Variants in GTF3C4 observed in about 807,000 individuals in gnomAD.
The protein encoded by GTF3C4 is general transcription factor IIIC subunit 4.
Under a neutral mutation model 67.5 loss-of-function variants are expected in GTF3C4, and 28 were observed. The ratio of observed to expected loss-of-function variants is 0.41; its 90% CI spans 0.31 to 0.57. GTF3C4 has a LOEUF of 0.57. Ranked by LOEUF, GTF3C4 falls within the 20% of genes least tolerant of loss-of-function variation. The pLI is 0.21. For synonymous variants in GTF3C4, 409 were observed against 393.0 expected, an observed-to-expected ratio of 1.04 and a Z score of -0.48; for missense variants, 831 against 1,033.2, an observed-to-expected ratio of 0.80 and a Z score of 2.68.
At chr9:132,676,039 C>T (rs1198313377) in intron 1 of GTF3C4, among the ~76,000 whole-genome samples, 1 of 151,434 alleles carries the variant, frequency 6.6e-6, no homozygotes, top group Admixed American at 6.6e-5. Flanking sequence ...GCTGGGACTA[C>T]AGGCACCCAC....
At chr9:132,677,854 A>G (rs1835884187) in intron 1 of GTF3C4, 123 bp from the exon 2 acceptor site, 1 of 774,316 alleles carries the variant, frequency 1.3e-6, no homozygotes, top group African/African-American at 1.7e-5. Flanking sequence ...TCTCTTGCAT[A>G]TATTAATTCT....
chr9:132,677,973 T>C lies in GTF3C4; in HGVS notation c.358-4T>C, dbSNP rs1389706892. 1 of 1,583,304 alleles carries C rather than the reference T, an allele frequency of 6.3e-7. No individual in the cohort carries two copies. Among genetic ancestry groups the C allele is most frequent in the African/African-American group, 1.4e-5 (1 of 73,440 alleles). Reference sequence around the variant, plus strand: ...CTGATAGTTTTTATATCTCTTATTTTCAGGTTGGCTCAAAAACAGAAGTTG... The same window carrying C: ...CTGATAGTTTTTATATCTCTTATTTCCAGGTTGGCTCAAAAACAGAAGTTG... On this transcript the variant is annotated splice_region_variant and splice_polypyrimidine_tract_variant and intron_variant, in intron 1 of 4. Transcript: ENST00000372146.
chr9:132,682,910 G>A (rs973140341), intron 2 of GTF3C4, among the ~76,000 whole-genome samples: 6 of 152,126 alleles, frequency 3.9e-5, no homozygotes, highest in Non-Finnish European at 7.4e-5. Context: ...AGCCAAGAGT[G>A]TAATCTTAAA....
chr9:132,686,557 T>C (rs3780813), intron 3 of GTF3C4, among the ~76,000 whole-genome samples: 19,936 of 152,150 alleles, frequency 0.13, 1,538 homozygotes, highest in East Asian at 0.31. Flanking sequence ...TCCCATCTCA[T>C]TGCATCCCAC....
At position 132,678,653 on chromosome 9, in the gene GTF3C4, T is replaced by C; in HGVS notation, c.1034T>C (p.Val345Ala). The C allele has an allele frequency of 1.2e-6, 2 of 1,614,088 alleles. No individual in the cohort carries two copies. Among genetic ancestry groups the C allele is most frequent in the Non-Finnish European group, 1.7e-6 (2 of 1,179,980 alleles). Residue 345 changes from valine (V) to alanine (A), a missense_variant, in exon 2 of 5, where the codon GTC becomes GCC. Physicochemically the swap from Val to Ala is moderately conservative, Grantham distance 64. Transcript: ENST00000372146. The surrounding 1 kb of genome is among the most constrained non-coding windows in gnomAD (Gnocchi z 6.5). ...TTTGGACCCATAAAAATTCTTCCTG[T>C]CAATCTCAAAGCAGTCAAAGGCTAT... ...SAFGPIKILPVNLKAVKGYFT... is the reference protein window; with the variant it reads ...SAFGPIKILPANLKAVKGYFT...
chr9:132,674,480 C>T (rs1240874004), intron 1 of GTF3C4, among the ~76,000 whole-genome samples: 1 of 152,192 alleles, frequency 6.6e-6, no homozygotes, highest in African/African-American at 2.4e-5. Context: ...GAATTCTTCC[C>T]ACAATGAGTA....
In GTF3C4 at chr9:132,679,917, A is replaced by T. The variant is rs547258880; in HGVS notation, c.2184+114A>T. On this transcript the variant is annotated intron_variant, in intron 2 of 4. Coordinates refer to ENST00000372146, the MANE Select transcript of GTF3C4 (RefSeq NM_012204.4). This position sits in a 1 kb window ranked among gnomAD's most constrained non-coding sequence, Gnocchi z 5.9. ...ACTTTTGCTTTGACATTTTTTAGGT[A>T]ATTTATTTGCTTGAGGTGCAGGGTA... The T allele has an allele frequency of 1.4e-5, 13 of 959,576 alleles. No homozygotes were observed. In the South Asian group the frequency reaches 2.3e-4, roughly 17 times the overall value. 59.4% of individuals were successfully genotyped at this position (959,576 alleles called of 1,614,324 possible).
intron 3 of GTF3C4, 61 bp downstream of exon 3, chr9:132,683,754 C>G: frequency 6.8e-7 from 1 of 1,465,510 alleles, no homozygotes; most frequent in South Asian, 1.3e-5. Context: ...GCACAAACTA[C>G]TGTATGTGAC....
chr9:132,687,775 A>T (rs556444075), intron 4 of GTF3C4, among the ~76,000 whole-genome samples: 2 of 152,178 alleles, frequency 1.3e-5, no homozygotes, highest in African/African-American at 4.8e-5. Flanking sequence ...TGGTTGGTCT[A>T]TGTGCTCTTT....
At position 132,679,056 on chromosome 9, in the gene GTF3C4, G is replaced by T. The variant is rs1318057649; in HGVS notation, c.1437G>T (p.Gly479=). The T allele has an allele frequency of 6.2e-7, 1 of 1,614,160 alleles. No individual in the cohort carries two copies. The part of the protein sequence containing the change: ...SDVFGSVRTH[G]IAVSPCGAYL... ...TGTTTGGCTCAGTGAGGACTCACGG[G>T]ATAGCAGTGAGCCCCTGCGGTGCAT... is the stretch of plus-strand genomic sequence containing the variant. The change falls in exon 2 of 5, where the codon GGG becomes GGT. Residue 479 remains glycine, a synonymous_variant. Coordinates refer to ENST00000372146, the MANE Select transcript of GTF3C4 (RefSeq NM_012204.4). This position sits in a 1 kb window ranked among gnomAD's most constrained non-coding sequence, Gnocchi z 5.9.
At chr9:132,681,601 C>G (rs750639267) in intron 2 of GTF3C4, among the ~76,000 whole-genome samples, 1 of 152,110 alleles carries the variant, frequency 6.6e-6, no homozygotes, top group Non-Finnish European at 1.5e-5. Flanking sequence ...TGAATTGCCC[C>G]TGCCCATGAA....
At chr9:132,670,226 C>CT, upstream of GTF3C4, 1 of 1,538,546 alleles carries the variant, frequency 6.5e-7, no homozygotes, top group Non-Finnish European at 8.8e-7. Context: ...CTGAATGCCT[C>CT]TGAGAAGCGA....
In GTF3C4 at chr9:132,690,541, G is replaced by A. The variant is rs2130904759; in HGVS notation, c.*1596G>A. 6.7e-6 allele frequency: 1 copy of A among 149,190 alleles called. No individual in the cohort carries two copies. Among genetic ancestry groups the A allele is most frequent in the African/African-American group, 2.5e-5 (1 of 40,390 alleles). 9.2% of individuals were successfully genotyped at this position (149,190 alleles called of 1,614,324 possible). A position where few individuals can be genotyped will look rare whatever the true frequency, so the allele number is the denominator to read the frequency against. ...TAGGTAGTGCAGACCAGCCCTTGGA[G>A]GCACTTCTAAACAGTCTGCTCAGAA... On this transcript the variant is annotated 3_prime_UTR_variant, in exon 5 of 5. Coordinates refer to ENST00000372146, the MANE Select transcript of GTF3C4 (RefSeq NM_012204.4).
At chr9:132,682,013 GC>G (rs1027694417) in intron 2 of GTF3C4, among the ~76,000 whole-genome samples, 4 of 151,444 alleles carry the variant, frequency 2.6e-5, no homozygotes, top group South Asian at 2.1e-4. Context: ...GGTGGCACAG[GC>G]CTGTAGTCCT....
chr9:132,671,023 A>T (rs1835730372), intron 1 of GTF3C4, 68 bp downstream of exon 1: 1 of 1,084,898 alleles, frequency 9.2e-7, no homozygotes, highest in South Asian at 1.3e-5. Flanking sequence ...CATCCGTCCC[A>T]GGGGAATCCG....
rs368261627 is a variant in GTF3C4, at chr9:132,683,513, A to G, written c.2185-50A>G. Reference sequence around the variant, plus strand: ...CTTTGTGTTTGTAGGCTTTTTCTTCAGGAAATCCTGCACTTACACTAAACT... The same window carrying G: ...CTTTGTGTTTGTAGGCTTTTTCTTCGGGAAATCCTGCACTTACACTAAACT... On this transcript the variant is annotated intron_variant, in intron 2 of 4. Coordinates refer to ENST00000372146, the MANE Select transcript of GTF3C4 (RefSeq NM_012204.4). 6 of 1,520,984 alleles carry G rather than the reference A, an allele frequency of 3.9e-6. No homozygotes were observed. The African/African-American group carries it at 4.2e-5, about 11-fold the overall frequency. The allele number at this position is 1,520,984 out of a possible 1,614,324, so 94.2% of individuals were successfully genotyped here.
In GTF3C4 at chr9:132,694,522, G is replaced by A. The variant is rs890070151; in HGVS notation, c.*5577G>A. On this transcript the variant is annotated 3_prime_UTR_variant, in exon 5 of 5. Transcript: ENST00000372146. ...TGAAGATTACATATCAGTGTCCTGC[G>A]TTTTTATCTAATATTAGAGCTGAGG... 2.4e-4 allele frequency: 36 copies of A among 152,276 alleles called. No homozygotes were observed. Among genetic ancestry groups the A allele is most frequent in the African/African-American group, 8.7e-4 (36 of 41,548 alleles). 9.4% of individuals were successfully genotyped at this position (152,276 alleles called of 1,614,324 possible).
rs1836045636 is a variant in GTF3C4, at chr9:132,687,274, T to G, written c.2351T>G (p.Ile784Arg). Reference sequence around the variant, plus strand: ...ACCTACCAGTCCTGCCAGAGTTTGATATATAGAAGGTGTTTGCTCCATGAC... The same window carrying G: ...ACCTACCAGTCCTGCCAGAGTTTGAGATATAGAAGGTGTTTGCTCCATGAC... ...FLTYQSCQSL[I>R]YRRCLLHDSI... The change falls in exon 4 of 5, where the codon ATA (isoleucine) becomes AGA (arginine). Residue 784 changes from isoleucine to arginine, a missense_variant. This residue lies in a region of GTF3C4 where 129 missense variants were observed against 213.8 expected (regional missense o/e 0.60). Transcript: ENST00000372146. 6.2e-7 allele frequency: 1 copy of G among 1,602,668 alleles called. No homozygotes were observed. Among genetic ancestry groups the G allele is most frequent in the Admixed American group, 1.7e-5 (1 of 58,118 alleles).
rs1158050028 is a variant in GTF3C4 at position 132,678,152 on chromosome 9, G to A, written c.533G>A (p.Gly178Asp). The A allele has an allele frequency of 1.9e-6, 3 of 1,614,230 alleles. No individual in the cohort carries two copies. In the South Asian group the frequency reaches 3.3e-5, roughly 18 times the overall value. Reference sequence around the variant, plus strand: ...TCTCCCATGGGTTGCGATGCTAATGGCAGGTGCCTCTTGGCAGCACTGACC... The same window carrying A: ...TCTCCCATGGGTTGCGATGCTAATGACAGGTGCCTCTTGGCAGCACTGACC... ...SWSPMGCDAN[G>D]RCLLAALTMD... Residue 178 changes from glycine (G) to aspartate (D), a missense_variant, in exon 2 of 5, where the codon GGC becomes GAC. By Grantham distance (94) the Gly-to-Asp change is moderately conservative (BLOSUM62 -1). Coordinates refer to ENST00000372146, the MANE Select transcript of GTF3C4 (RefSeq NM_012204.4). This position sits in a 1 kb window ranked among gnomAD's most constrained non-coding sequence, Gnocchi z 6.5.
Sources: allele counts gnomAD v4.1 joint callset (sites outside exome capture counted in the v4.1 genomes callset), GRCh38; gene constraint gnomAD v4.1.1; regional missense constraint gnomAD v4.1.1; non-coding constraint Gnocchi (gnomAD v3.1); transcripts MANE v1.5; gene names NCBI Gene and HGNC (gene_info 2026-07-23, HGNC 2026-07-21).